MMS22L: variants seen among roughly 807,000 people sequenced by gnomAD.
MMS22L encodes MMS22 like, DNA repair protein, also known as protein MMS22-like.
Under a neutral mutation model 159.1 loss-of-function variants are expected in MMS22L, and 74 were observed. The observed-to-expected ratio is 0.47, with a 90% CI of 0.39 to 0.56. MMS22L has a LOEUF of 0.56. MMS22L is among the 20% of genes least tolerant of loss of function. The pLI, the probability that MMS22L is intolerant of heterozygous loss-of-function variation, is 0.00. For missense variants in MMS22L, 1,351 were observed against 1,422.1 expected (o/e 0.95, Z 0.80); for synonymous variants, 517 against 506.9 (o/e 1.02, Z -0.27).
At chr6:97,151,689 G>T (rs1582356026) in intron 23 of MMS22L, 82 bp downstream of exon 23, 4 of 1,062,676 alleles carry the variant, frequency 3.8e-6, no homozygotes, top group East Asian at 4.8e-5. Flanking sequence ...TTATGTTTTG[G>T]ATAATTAGTT....
chr6:97,271,840 C>G (rs928601152), intron 6 of MMS22L: 2 of 152,046 alleles, frequency 1.3e-5, no homozygotes, highest in African/African-American at 4.8e-5. Context: ...ACTGGACTAA[C>G]TTTTTAATTT....
At chr6:97,192,209 G>GA (rs374801977) in intron 14 of MMS22L, among the ~76,000 whole-genome samples, 23,837 of 103,408 alleles carry the variant, frequency 0.23, 2,247 homozygotes, top group East Asian at 0.58. Flanking sequence ...TGGATGGATG[G>GA]ATGAATGAAT....
intron 14 of MMS22L, among the ~76,000 whole-genome samples, chr6:97,202,339 C>T (rs1807265844): frequency 6.6e-6 from 1 of 152,162 alleles, no homozygotes; most frequent in Non-Finnish European, 1.5e-5. Flanking sequence ...CCTCTCTATC[C>T]ACTTGCCTGA....
At position 97,162,117 on chromosome 6, in the gene MMS22L, T is replaced by G. The variant is rs772263016; in HGVS notation, c.3270A>C (p.Ala1090=). 2 of 1,611,212 alleles carry G rather than the reference T, an allele frequency of 1.2e-6. No individual in the cohort carries two copies. The highest frequency in any genetic ancestry group is 1.7e-5 in the Admixed American group (1 of 59,458). Residue 1090 remains alanine (A), a synonymous_variant, in exon 22 of 25, where the codon GCA becomes GCC. Coordinates refer to ENST00000683635, the MANE Select transcript of MMS22L (RefSeq NM_001350599.2). The part of the protein sequence containing the change: ...YKGSSPPPRL[A]SILAFILQLF... ...GTTGGAGGATGAAGGCCAGAATGGATGCTAAGCGAGGAGGAGGTGAGGACC... is the reference window on the plus strand; with the variant it reads ...GTTGGAGGATGAAGGCCAGAATGGAGGCTAAGCGAGGAGGAGGTGAGGACC...
intron 19 of MMS22L, among the ~76,000 whole-genome samples, chr6:97,171,091 ATATT>A (rs1803497806): frequency 6.6e-6 from 1 of 152,174 alleles, no homozygotes; most frequent in Non-Finnish European, 1.5e-5. Context: ...AATTCCATAA[ATATT>A]TATATAGTAT....
At chr6:97,192,259 T>C (rs971852281) in intron 14 of MMS22L, among the ~76,000 whole-genome samples, 12 of 152,026 alleles carry the variant, frequency 7.9e-5, no homozygotes, top group African/African-American at 2.9e-4. Context: ...TTATTGACTG[T>C]TTTGATGATA....
intron 20 of MMS22L, among the ~76,000 whole-genome samples, chr6:97,165,815 T>A (rs1305370294): frequency 1.3e-5 from 2 of 152,150 alleles, no homozygotes; most frequent in African/African-American, 4.8e-5. Context: ...CACCTTTAGG[T>A]CATTTTTTTC....
chr6:97,169,812 T>C (rs1204505471), intron 19 of MMS22L, among the ~76,000 whole-genome samples: 1 of 152,126 alleles, frequency 6.6e-6, no homozygotes, highest in Non-Finnish European at 1.5e-5. Flanking sequence ...ATGATTCTTA[T>C]TACTCTCAGG....
Position 97,179,415 on chromosome 6 carries a change from C to A in MMS22L, c.2529G>T (p.Glu843Asp). 1 of 1,612,262 alleles carries A rather than the reference C, an allele frequency of 6.2e-7. No homozygotes were observed. Among genetic ancestry groups the A allele is most frequent in the Non-Finnish European group, 8.5e-7 (1 of 1,179,226 alleles). The change falls in exon 17 of 25, where the codon GAG becomes GAT. Residue 843 changes from glutamate to aspartate, a missense_variant. Transcript: ENST00000683635. ...AAACGTACACTTACTTACCAACTGC[C>A]TCTTCCAGATTTTTATCTATGAGCA... Reference protein sequence around the residue: ...DDLLIDKNLEEAVEKEYMKQL... With the variant: ...DDLLIDKNLEDAVEKEYMKQL...
chr6:97,188,970 A>T (rs994381528), intron 14 of MMS22L, among the ~76,000 whole-genome samples: 2 of 151,594 alleles, frequency 1.3e-5, no homozygotes, highest in Non-Finnish European at 2.9e-5. Context: ...AAAATAATTT[A>T]AAAATAATAA....
chr6:97,260,614 T>C (rs1814360299), intron 9 of MMS22L: 1 of 152,240 alleles, frequency 6.6e-6, no homozygotes, highest in Non-Finnish European at 1.5e-5. Context: ...ACAGACAAAC[T>C]AATTCAATCT....
intron 14 of MMS22L, among the ~76,000 whole-genome samples, chr6:97,199,190 G>C (rs1423332891): frequency 6.6e-6 from 1 of 152,016 alleles, no homozygotes; most frequent in Non-Finnish European, 1.5e-5. Flanking sequence ...AAGAAATTTG[G>C]AGTCATTTTA....
intron 14 of MMS22L, among the ~76,000 whole-genome samples, chr6:97,202,851 C>T (rs1807324998): frequency 6.6e-6 from 1 of 152,104 alleles, no homozygotes; most frequent in Admixed American, 6.6e-5. Context: ...CTCTTAATCA[C>T]CAACATTTAT....
chr6:97,185,237 A>G (rs1201889120), intron 15 of MMS22L, among the ~76,000 whole-genome samples: 1 of 152,118 alleles, frequency 6.6e-6, no homozygotes, highest in East Asian at 1.9e-4. Flanking sequence ...ATGCCCCAAC[A>G]CTAGATTATG....
At chr6:97,187,975 G>T (rs939199921) in intron 14 of MMS22L, among the ~76,000 whole-genome samples, 1 of 152,174 alleles carries the variant, frequency 6.6e-6, no homozygotes. Flanking sequence ...GTGAACAAAT[G>T]GCTGGGGAAA....
rs182238113 is a variant in MMS22L at position 97,267,759 on chromosome 6, T to G, written c.828+113A>C. ...GCTCCCAGATAATAGCAACTAAATATAAAATTAGAACATATAAAGCATTTT... is the reference window on the plus strand; with the variant it reads ...GCTCCCAGATAATAGCAACTAAATAGAAAATTAGAACATATAAAGCATTTT... On this transcript the variant is annotated intron_variant, in intron 8 of 24. Coordinates refer to ENST00000683635, the MANE Select transcript of MMS22L (RefSeq NM_001350599.2). The G allele has an allele frequency of 4.1e-6, 4 of 980,594 alleles. No individual in the cohort carries two copies. The Admixed American group carries it at 1.7e-4, about 41-fold the overall frequency. 60.7% of individuals were successfully genotyped at this position (980,594 alleles called of 1,614,324 possible).
intron 11 of MMS22L, among the ~76,000 whole-genome samples, chr6:97,243,848 C>G (rs1812342047): frequency 6.6e-6 from 1 of 152,028 alleles, no homozygotes; most frequent in South Asian, 2.1e-4. Flanking sequence ...TCTAGTCACC[C>G]AGCAGAGCTA....
chr6:97,231,684 A>T (rs1052406769), intron 12 of MMS22L, 32 bp from the exon 13 acceptor site: 1 of 1,453,086 alleles, frequency 6.9e-7, no homozygotes, highest in Non-Finnish European at 9.6e-7. Flanking sequence ...ATAGAAAACA[A>T]TTATTAGTCT....
At chr6:97,226,849 T>C (rs1251035724) in intron 14 of MMS22L, among the ~76,000 whole-genome samples, 1 of 152,094 alleles carries the variant, frequency 6.6e-6, no homozygotes, top group Non-Finnish European at 1.5e-5. Context: ...AGGAGTTGTC[T>C]TGAGCACTGT....
Sources: gnomAD v4.1 joint callset for allele counts (sites outside exome capture counted in the v4.1 genomes callset) on GRCh38, gnomAD v4.1.1 for gene constraint, MANE v1.5 for transcripts, NCBI Gene and HGNC (gene_info 2026-07-23, HGNC 2026-07-21) for gene names.